Variants in NCEH1 observed in about 807,000 individuals in gnomAD.
NCEH1 encodes 2-acetyl MAGE hydrolase.
Under a neutral mutation model 25.4 loss-of-function variants are expected in NCEH1, and 9 were observed. That is an observed-to-expected ratio of 0.35 (90% CI 0.21 to 0.62). The LOEUF is 0.62. Ranked by LOEUF, NCEH1 falls within the 20% of genes least tolerant of loss-of-function variation. NCEH1 has a pLI of 0.72. For synonymous variants in NCEH1, 200 were observed against 199.8 expected, an observed-to-expected ratio of 1.00 and a Z score of -0.01; for missense variants, 412 against 501.1, an observed-to-expected ratio of 0.82 and a Z score of 1.70.
In NCEH1 at chr3:172,710,961, G is replaced by C; in HGVS notation, c.24C>G (p.Leu8=). The C allele has an allele frequency of 2.5e-6, 4 of 1,614,102 alleles. No individual in the cohort carries two copies. The highest frequency in any genetic ancestry group is 3.4e-6 in the Non-Finnish European group (4 of 1,180,004). The change falls in exon 1 of 5, where the codon CTC becomes CTG. Residue 8 remains leucine (L), a synonymous_variant. Coordinates refer to ENST00000475381, the MANE Select transcript of NCEH1 (RefSeq NM_020792.6). ...AGGCGGCCAGCGCCACCAGGGCGGT[G>C]AGCAGGACACAGGACGACCTCATCT... is the stretch of plus-strand genomic sequence containing the variant. MRSSCVL[L]TALVALAAYY...
intron 1 of NCEH1, among the ~76,000 whole-genome samples, chr3:172,665,869 AT>A (rs886217428): frequency 1.3e-5 from 2 of 152,028 alleles, no homozygotes; most frequent in Non-Finnish European, 2.9e-5. Context: ...GAATGTCCCG[AT>A]TTTCCAGGTA....
At chr3:172,635,864 G>C in intron 4 of NCEH1, 52 bp downstream of exon 4, 1 of 1,558,578 alleles carries the variant, frequency 6.4e-7, no homozygotes, top group East Asian at 2.2e-5. Flanking sequence ...TGGTCTGCTA[G>C]ACCTTGTCAT....
chr3:172,653,741 T>G (rs7624273), intron 1 of NCEH1, among the ~76,000 whole-genome samples: 833 of 39,698 alleles, frequency 0.021, 16 homozygotes, highest in Non-Finnish European at 0.031. Context: ...TTCTGTTTTT[T>G]TTGTTTTTTT....
chr3:172,689,311 T>C (rs1382544022), intron 1 of NCEH1, among the ~76,000 whole-genome samples: 1 of 138,978 alleles, frequency 7.2e-6, no homozygotes, highest in Non-Finnish European at 1.5e-5. Context: ...CAGGCTGGAC[T>C]GCAATGGCGT....
At chr3:172,671,687 T>C (rs1313306126) in intron 1 of NCEH1, among the ~76,000 whole-genome samples, 1 of 152,112 alleles carries the variant, frequency 6.6e-6, no homozygotes, top group Non-Finnish European at 1.5e-5. Flanking sequence ...ACTTGTTACA[T>C]ATATAATTAC....
At chr3:172,654,813 G>A (rs1001190596) in intron 1 of NCEH1, among the ~76,000 whole-genome samples, 3 of 152,046 alleles carry the variant, frequency 2.0e-5, no homozygotes, top group African/African-American at 7.2e-5. Context: ...TTTCCACTAC[G>A]GTCACTTCAT....
At chr3:172,666,333 G>A (rs112949400) in intron 1 of NCEH1, among the ~76,000 whole-genome samples, 3 of 152,110 alleles carry the variant, frequency 2.0e-5, no homozygotes, top group Non-Finnish European at 4.4e-5. Context: ...TAAGGTGGGT[G>A]GACCAGGTGT....
intron 2 of NCEH1, among the ~76,000 whole-genome samples, chr3:172,646,537 T>C (rs551698522): frequency 6.6e-6 from 1 of 152,318 alleles, no homozygotes; most frequent in Non-Finnish European, 1.5e-5. Context: ...CAATTTAATA[T>C]GTAAGAATTT....
chr3:172,689,771 T>C (rs566644925), intron 1 of NCEH1, among the ~76,000 whole-genome samples: 1 of 151,740 alleles, frequency 6.6e-6, no homozygotes, highest in African/African-American at 2.4e-5. Context: ...GGTAGTATAG[T>C]AAAATTGGAA....
In NCEH1 at chr3:172,647,956, C is replaced by G. The variant is rs149025248; in HGVS notation, c.297G>C (p.Pro99=). 1.9e-6 allele frequency: 3 copies of G among 1,614,190 alleles called. No individual in the cohort carries two copies. Among genetic ancestry groups the G allele is most frequent in the East Asian group, 2.2e-5 (1 of 44,878 alleles). ...GVEVRVFEGP[P]KPEEPLKRSV... ...TGCGTTTCAGTGGCTCTTCGGGCTT[C>G]GGAGGGCCTTCAAACACTCTGACTT... The change falls in exon 2 of 5, where the codon CCG becomes CCC. Residue 99 remains proline, a synonymous_variant. Coordinates refer to ENST00000475381, the MANE Select transcript of NCEH1 (RefSeq NM_020792.6).
At chr3:172,679,237 A>G (rs1454101009) in intron 1 of NCEH1, among the ~76,000 whole-genome samples, 1 of 152,218 alleles carries the variant, frequency 6.6e-6, no homozygotes, top group Non-Finnish European at 1.5e-5. Flanking sequence ...GGACCACTAT[A>G]AGCATGCCAG....
chr3:172,646,037 T>C (rs1717105740), intron 2 of NCEH1, among the ~76,000 whole-genome samples: 1 of 152,082 alleles, frequency 6.6e-6, no homozygotes, highest in Admixed American at 6.6e-5. Flanking sequence ...TCACAGCAAA[T>C]AAGCAGTCTC....
At chr3:172,710,617 A>G (rs1255218939) in intron 1 of NCEH1, among the ~76,000 whole-genome samples, 1 of 152,160 alleles carries the variant, frequency 6.6e-6, no homozygotes, top group Non-Finnish European at 1.5e-5. Flanking sequence ...CTATTCAAGC[A>G]CTTCTTCCCC....
At chr3:172,654,381 C>A (rs113689281) in intron 1 of NCEH1, among the ~76,000 whole-genome samples, 19 of 152,252 alleles carry the variant, frequency 1.2e-4, no homozygotes, top group African/African-American at 4.6e-4. Flanking sequence ...CATAAGAAGC[C>A]CTTTATGAGT....
At chr3:172,669,179 G>A (rs1395919724) in intron 1 of NCEH1, among the ~76,000 whole-genome samples, 1 of 152,192 alleles carries the variant, frequency 6.6e-6, no homozygotes, top group Non-Finnish European at 1.5e-5. Flanking sequence ...CTCATTTTGT[G>A]AGAAAAATAT....
intron 3 of NCEH1, among the ~76,000 whole-genome samples, chr3:172,637,762 G>A (rs937546341): frequency 4.6e-5 from 7 of 152,132 alleles, no homozygotes; most frequent in African/African-American, 1.2e-4. Flanking sequence ...GGTCGTGGGC[G>A]CCTGTAATCC....
chr3:172,663,709 TATGTA>T (rs1718073439), intron 1 of NCEH1, among the ~76,000 whole-genome samples: 1 of 152,194 alleles, frequency 6.6e-6, no homozygotes, highest in South Asian at 2.1e-4. Context: ...CCTTTACCAT[TATGTA>T]ATGGCCTTCT....
chr3:172,700,361 A>T (rs1713613308), intron 1 of NCEH1, among the ~76,000 whole-genome samples: 1 of 152,106 alleles, frequency 6.6e-6, no homozygotes, highest in African/African-American at 2.4e-5. Flanking sequence ...TAATTGTGGG[A>T]GCTCAAAAAA....
At chr3:172,700,144 T>C (rs1036416066) in intron 1 of NCEH1, among the ~76,000 whole-genome samples, 3 of 152,232 alleles carry the variant, frequency 2.0e-5, no homozygotes, top group Admixed American at 6.5e-5. Context: ...CTTAAAGCCA[T>C]TTTGTATAAC....
Sources: gnomAD v4.1 joint callset for allele counts (sites outside exome capture counted in the v4.1 genomes callset) on GRCh38, gnomAD v4.1.1 for gene constraint, MANE v1.5 for transcripts, NCBI Gene and HGNC (gene_info 2026-07-23, HGNC 2026-07-21) for gene names.